Variants in TENM4 observed in about 807,000 individuals in gnomAD.
TENM4 encodes the protein teneurin-4.
Under a neutral mutation model 243.3 loss-of-function variants are expected in TENM4, and 82 were observed. That is an observed-to-expected ratio of 0.34 (90% CI 0.28 to 0.40). TENM4 has a LOEUF of 0.40. Ranked by LOEUF, TENM4 falls within the 10% of genes least tolerant of loss-of-function variation. The pLI, the probability that TENM4 is intolerant of heterozygous loss-of-function variation, is 1.00. For missense variants in TENM4, 3,138 were observed against 3,673.3 expected (o/e 0.85, Z 3.77); for synonymous variants, 1,412 against 1,456.3 (o/e 0.97, Z 0.69).
intron 6 of TENM4, among the ~76,000 whole-genome samples, chr11:79,004,812 G>C (rs1185815477): frequency 6.6e-6 from 1 of 151,992 alleles, no homozygotes; most frequent in Admixed American, 6.6e-5. Flanking sequence ...GAATCCAGGA[G>C]TTGGTTTTTT....
At chr11:79,346,716 C>T (rs545352492) in intron 1 of TENM4, among the ~76,000 whole-genome samples, 1 of 152,290 alleles carries the variant, frequency 6.6e-6, no homozygotes, top group South Asian at 2.1e-4. Flanking sequence ...TTTCCTTCTC[C>T]TGGTAACTTT....
intron 1 of TENM4, among the ~76,000 whole-genome samples, chr11:79,301,023 C>G (rs144147298): frequency 0.015 from 2,260 of 152,258 alleles, 54 homozygotes; most frequent in African/African-American, 0.051. Flanking sequence ...GCTCCTTTCC[C>G]TCCCTCTCCA....
rs193006968 is a variant in TENM4, at chr11:79,041,306, C to T, written c.493+23432G>A. Among the ~76,000 whole-genome samples the T allele has an allele frequency of 6.3e-3, 961 of 152,056 alleles. 5 individuals carry two copies. The highest frequency in any genetic ancestry group is 9.4e-3 in the Non-Finnish European group (642 of 67,966). ...CTTGAATTCCTGACCTCAGATGATCCGCCAGCCTCAGCCTTCCAAAGTGCT... is the reference window on the plus strand; with the variant it reads ...CTTGAATTCCTGACCTCAGATGATCTGCCAGCCTCAGCCTTCCAAAGTGCT... On this transcript the variant is annotated intron_variant, in intron 6 of 33. Coordinates refer to ENST00000278550, the MANE Select transcript of TENM4 (RefSeq NM_001098816.3).
At chr11:78,839,755 G>T (rs1007122806) in intron 12 of TENM4, among the ~76,000 whole-genome samples, 2 of 152,194 alleles carry the variant, frequency 1.3e-5, no homozygotes, top group African/African-American at 4.8e-5. Flanking sequence ...ACTAAAAGCT[G>T]ATGTTCTTAT....
intron 9 of TENM4, among the ~76,000 whole-genome samples, chr11:78,870,746 C>A (rs186544504): frequency 1.2e-4 from 18 of 152,224 alleles, no homozygotes; most frequent in African/African-American, 4.1e-4. Flanking sequence ...GGTCCCGAGC[C>A]AGAGGATCAG....
At chr11:79,037,266 GC>G (rs929816580) in intron 6 of TENM4, among the ~76,000 whole-genome samples, 3 of 152,152 alleles carry the variant, frequency 2.0e-5, no homozygotes, top group African/African-American at 7.2e-5. Context: ...CTATGAGGCA[GC>G]CCTCAACTAC....
At chr11:79,169,907 G>A (rs1863001208) in intron 3 of TENM4, among the ~76,000 whole-genome samples, 1 of 152,168 alleles carries the variant, frequency 6.6e-6, no homozygotes, top group African/African-American at 2.4e-5. Flanking sequence ...TCTTGGGGAG[G>A]GCAGGGGACC....
At chr11:78,789,560 C>T (rs1466394585) in intron 15 of TENM4, among the ~76,000 whole-genome samples, 1 of 152,164 alleles carries the variant, frequency 6.6e-6, no homozygotes, top group Non-Finnish European at 1.5e-5. Flanking sequence ...CTTGAGGGCC[C>T]TTGGAGAGAT....
intron 4 of TENM4, among the ~76,000 whole-genome samples, chr11:79,084,880 A>C (rs1237539844): frequency 6.6e-6 from 1 of 152,204 alleles, no homozygotes; most frequent in Admixed American, 6.5e-5. Context: ...AGATAAATGC[A>C]AGTAAAATGG....
chr11:79,311,013 G>T (rs774448256), intron 1 of TENM4, among the ~76,000 whole-genome samples: 4 of 152,176 alleles, frequency 2.6e-5, no homozygotes, highest in Non-Finnish European at 5.9e-5. Context: ...GCTTGGAGAT[G>T]AAAGTCTTCA....
Position 79,251,165 on chromosome 11 carries a change from A to G in TENM4, c.-264-35256T>C, listed in dbSNP as rs561632821. On this transcript the variant is annotated intron_variant, in intron 2 of 33. Transcript: ENST00000278550. ...TAGAGTTTTAACATCCACGTGGGGGAAAAAAGATGTAGCTCTGGGCCATGT... is the reference window on the plus strand; with the variant it reads ...TAGAGTTTTAACATCCACGTGGGGGGAAAAAGATGTAGCTCTGGGCCATGT... Among the ~76,000 whole-genome samples, 4 of 152,230 alleles carry G rather than the reference A, an allele frequency of 2.6e-5. No homozygotes were observed. The South Asian group carries it at 8.3e-4, about 32-fold the overall frequency.
intron 6 of TENM4, among the ~76,000 whole-genome samples, chr11:79,055,526 G>C (rs564270844): frequency 6.6e-6 from 1 of 152,214 alleles, no homozygotes; most frequent in South Asian, 2.1e-4. Flanking sequence ...ATGGGCGTGA[G>C]CCACTGTGCC....
intron 5 of TENM4, 37 bp downstream of exon 5, chr11:79,069,685 C>T (rs1860355694): frequency 6.5e-7 from 1 of 1,527,802 alleles, no homozygotes; most frequent in Non-Finnish European, 8.8e-7. Flanking sequence ...CCAAGCTCAC[C>T]TGCGCCTGAG....
intron 6 of TENM4, among the ~76,000 whole-genome samples, chr11:78,945,883 T>C (rs972862556): frequency 6.6e-6 from 1 of 152,144 alleles, no homozygotes; most frequent in Non-Finnish European, 1.5e-5. Flanking sequence ...TTCTGTGAAG[T>C]CTGAGAGAGA....
intron 2 of TENM4, among the ~76,000 whole-genome samples, chr11:79,282,404 C>A (rs1463231815): frequency 1.3e-5 from 2 of 152,182 alleles, no homozygotes; most frequent in African/African-American, 4.8e-5. Flanking sequence ...AATGAAGTGA[C>A]TGCTGAATAA....
chr11:79,027,609 A>AT (rs1859113916), intron 6 of TENM4, among the ~76,000 whole-genome samples: 1 of 151,920 alleles, frequency 6.6e-6, no homozygotes, highest in African/African-American at 2.4e-5. Context: ...GGTGCAAATG[A>AT]TTTTTTCCTT....
intron 7 of TENM4, among the ~76,000 whole-genome samples, chr11:78,899,570 G>A (rs1254672219): frequency 3.3e-5 from 4 of 120,890 alleles, no homozygotes; most frequent in African/African-American, 8.9e-5. Flanking sequence ...GGGGGGGGGG[G>A]GAAAAAGAAA....
At chr11:79,135,793 T>A (rs1862099398) in intron 4 of TENM4, among the ~76,000 whole-genome samples, 1 of 140,842 alleles carries the variant, frequency 7.1e-6, no homozygotes, top group African/African-American at 3.0e-5. Context: ...ATATATATCA[T>A]TATATATGTA....
At chr11:78,892,618 A>T (rs891931818) in intron 7 of TENM4, among the ~76,000 whole-genome samples, 6 of 152,218 alleles carry the variant, frequency 3.9e-5, no homozygotes, top group Non-Finnish European at 7.3e-5. Context: ...TAAGGGCTAT[A>T]CAAATATTAT....
Sources: allele counts gnomAD v4.1 joint callset (sites outside exome capture counted in the v4.1 genomes callset), GRCh38; gene constraint gnomAD v4.1.1; transcripts MANE v1.5; gene names NCBI Gene and HGNC (gene_info 2026-07-23, HGNC 2026-07-21).